MBD5: variants seen among roughly 807,000 people sequenced by gnomAD.
MBD5 encodes methyl-CpG binding domain protein 5.
MBD5 carries 13 observed loss-of-function variants against 117.3 expected under a neutral mutation model. The observed-to-expected ratio is 0.11, with a 90% CI of 0.07 to 0.18. MBD5 has a LOEUF of 0.18. MBD5 is among the 10% of genes least tolerant of loss of function. The pLI, the probability that MBD5 is intolerant of heterozygous loss-of-function variation, is 1.00. For missense variants in MBD5, 1,879 were observed against 2,093.8 expected, an observed-to-expected ratio of 0.90 and a Z score of 2.00; for synonymous variants, 727 against 766.4, an observed-to-expected ratio of 0.95 and a Z score of 0.85.
intron 5 of MBD5, among the ~76,000 whole-genome samples, chr2:148,460,865 A>G (rs556136194): frequency 6.6e-5 from 10 of 152,202 alleles, no homozygotes; most frequent in Non-Finnish European, 1.2e-4. Flanking sequence ...TCTAAGTTAA[A>G]ATGTTGGGCA....
At chr2:148,285,454 A>T (rs190268444) in intron 3 of MBD5, among the ~76,000 whole-genome samples, 131 of 152,326 alleles carry the variant, frequency 8.6e-4, no homozygotes, top group African/African-American at 3.1e-3. Flanking sequence ...TAGAATTGAC[A>T]TGAGAAAATT....
chr2:148,222,720 A>G (rs1238040495), intron 2 of MBD5, among the ~76,000 whole-genome samples: 2 of 152,046 alleles, frequency 1.3e-5, no homozygotes, highest in Non-Finnish European at 1.5e-5. Flanking sequence ...ATCTGCAAAC[A>G]AGGATAATTT....
chr2:148,404,839 T>A (rs1197394250), intron 4 of MBD5, among the ~76,000 whole-genome samples: 1 of 152,308 alleles, frequency 6.6e-6, no homozygotes, highest in East Asian at 1.9e-4. Context: ...TATTTTACAG[T>A]CTATTACTTA....
At chr2:148,104,896 A>C (rs1696327865) in intron 1 of MBD5, among the ~76,000 whole-genome samples, 1 of 152,162 alleles carries the variant, frequency 6.6e-6, no homozygotes, top group South Asian at 2.1e-4. Context: ...CTTGTGAGTT[A>C]ATATAATAGG....
intron 12 of MBD5, 129 bp downstream of exon 12, chr2:148,502,638 CAA>C: frequency 3.6e-6 from 3 of 844,020 alleles, no homozygotes; most frequent in Non-Finnish European, 6.0e-6. Context: ...TTGTTACCAC[CAA>C]AGAGGACCAT....
At position 148,407,680 on chromosome 2, in the gene MBD5, A is replaced by G. The variant is rs73017110; in HGVS notation, c.-556-50523A>G. Among the ~76,000 whole-genome samples the G allele has an allele frequency of 2.6e-3, 393 of 152,030 alleles. 1 individual carries two copies. The highest frequency in any genetic ancestry group is 8.5e-3 in the African/African-American group (351 of 41,312). On this transcript the variant is annotated intron_variant, in intron 4 of 13. Coordinates refer to ENST00000642680, the MANE Select transcript of MBD5 (RefSeq NM_001378120.1). ...TAGAGTTATCATTGCAAACACATCT[A>G]TAGATTTAATTGTTCATTATGAGTG...
intron 4 of MBD5, among the ~76,000 whole-genome samples, chr2:148,387,856 A>G (rs1028281506): frequency 6.6e-6 from 1 of 152,188 alleles, no homozygotes; most frequent in African/African-American, 2.4e-5. Context: ...ATTGAACAAT[A>G]TTAAACATCT....
At chr2:148,320,638 G>A (rs1353206449) in intron 3 of MBD5, among the ~76,000 whole-genome samples, 1 of 152,142 alleles carries the variant, frequency 6.6e-6, no homozygotes, top group Non-Finnish European at 1.5e-5. Flanking sequence ...CTATAGGCAT[G>A]AGCCACCACA....
At chr2:148,258,365 A>G (rs1306547207) in intron 3 of MBD5, among the ~76,000 whole-genome samples, 1 of 152,110 alleles carries the variant, frequency 6.6e-6, no homozygotes, top group Non-Finnish European at 1.5e-5. Context: ...CATAACCCTC[A>G]ATGTAAGCAG....
intron 4 of MBD5, among the ~76,000 whole-genome samples, chr2:148,446,338 A>G (rs946291121): frequency 6.6e-6 from 1 of 152,040 alleles, no homozygotes; most frequent in Non-Finnish European, 1.5e-5. Context: ...GGCTAGCCAT[A>G]TGTAGAAATC....
intron 4 of MBD5, among the ~76,000 whole-genome samples, chr2:148,446,241 T>C (rs965298890): frequency 2.0e-5 from 3 of 152,152 alleles, no homozygotes; most frequent in Non-Finnish European, 4.4e-5. Flanking sequence ...GCCTAGGTTT[T>C]CTTCTAGGGT....
intron 3 of MBD5, among the ~76,000 whole-genome samples, chr2:148,291,459 T>G (rs1377392072): frequency 6.6e-6 from 1 of 152,216 alleles, no homozygotes; most frequent in Non-Finnish European, 1.5e-5. Flanking sequence ...TTAATAGAAT[T>G]TTCGATGGAA....
At chr2:148,026,210 T>C (rs1281121285) in intron 1 of MBD5, 1 of 152,204 alleles carries the variant, frequency 6.6e-6, no homozygotes, top group African/African-American at 2.4e-5. Flanking sequence ...CCCAGCACTG[T>C]GATAAATTGA....
chr2:148,198,958 A>G (rs1292046459), intron 2 of MBD5, among the ~76,000 whole-genome samples: 1 of 151,568 alleles, frequency 6.6e-6, no homozygotes, highest in Non-Finnish European at 1.5e-5. Flanking sequence ...GTATGTGTAT[A>G]TGTATATATC....
intron 3 of MBD5, among the ~76,000 whole-genome samples, chr2:148,267,166 G>A (rs139402533): frequency 2.4e-4 from 37 of 152,156 alleles, no homozygotes; most frequent in Middle Eastern, 3.4e-3. Flanking sequence ...ACATCTATCC[G>A]TTTAAAAATG....
intron 3 of MBD5, among the ~76,000 whole-genome samples, chr2:148,262,228 C>T (rs1700748801): frequency 3.3e-5 from 5 of 152,012 alleles, no homozygotes; most frequent in African/African-American, 1.2e-4. Context: ...AACACAATAT[C>T]TGTGAAGAGC....
intron 1 of MBD5, among the ~76,000 whole-genome samples, chr2:148,037,152 T>C (rs998375379): frequency 2.0e-5 from 3 of 151,966 alleles, no homozygotes; most frequent in Non-Finnish European, 2.9e-5. Context: ...TTGCAAACAC[T>C]TAATGGAGAT....
intron 3 of MBD5, among the ~76,000 whole-genome samples, chr2:148,293,832 G>T (rs1473049380): frequency 3.9e-5 from 6 of 152,102 alleles, no homozygotes; most frequent in Admixed American, 1.3e-4. Context: ...AAATGAAGAG[G>T]TGTTAGATTT....
At chr2:148,246,763 C>CAA (rs71406014) in intron 3 of MBD5, among the ~76,000 whole-genome samples, 22,449 of 69,456 alleles carry the variant, frequency 0.32, 4,665 homozygotes, top group East Asian at 0.53. Flanking sequence ...GACTCCATCT[C>CAA]AAAAAAAAAA....
Sources: allele counts gnomAD v4.1 joint callset (sites outside exome capture counted in the v4.1 genomes callset), GRCh38; gene constraint gnomAD v4.1.1; transcripts MANE v1.5; gene names NCBI Gene and HGNC (gene_info 2026-07-23, HGNC 2026-07-21).